Variants in CDON observed in about 807,000 individuals in gnomAD.
CDON encodes the protein cell adhesion molecule-related/down-regulated by oncogenes.
CDON carries 73 observed loss-of-function variants against 120.9 expected under a neutral mutation model. That is an observed-to-expected ratio of 0.60 (90% confidence interval 0.50 to 0.73). CDON has a LOEUF of 0.73. Ranked by LOEUF, CDON falls within the 30% of genes least tolerant of loss-of-function variation. The pLI, the probability that CDON is intolerant of heterozygous loss-of-function variation, is 0.00. For missense variants in CDON, 1,470 were observed against 1,587.3 expected (o/e 0.93, Z 1.26); for synonymous variants, 566 against 573.5 (o/e 0.99, Z 0.19).
intron 6 of CDON, 142 bp downstream of exon 6, chr11:126,016,946 T>C: frequency 1.4e-6 from 1 of 709,104 alleles, no homozygotes; most frequent in Non-Finnish European, 2.3e-6. Context: ...CAGTCCATTA[T>C]AAAAATGAAA....
intron 8 of CDON, among the ~76,000 whole-genome samples, chr11:126,009,815 C>T (rs1469927152): frequency 6.6e-6 from 1 of 152,000 alleles, no homozygotes; most frequent in Non-Finnish European, 1.5e-5. Flanking sequence ...ACCAGTACAT[C>T]AAAAATCATA....
At chr11:126,054,865 G>A (rs1239612031) in intron 1 of CDON, among the ~76,000 whole-genome samples, 1 of 152,146 alleles carries the variant, frequency 6.6e-6, no homozygotes, top group Non-Finnish European at 1.5e-5. Flanking sequence ...AGGGGAGACT[G>A]ACACGTATGC....
intron 15 of CDON, among the ~76,000 whole-genome samples, chr11:125,985,710 A>C (rs1347453459): frequency 6.6e-6 from 1 of 152,218 alleles, no homozygotes; most frequent in Admixed American, 6.5e-5. Flanking sequence ...CAGACACATG[A>C]AAAAATGCTC....
At chr11:126,006,092 A>G in intron 8 of CDON, 35 bp from the exon 9 acceptor site, 1 of 1,590,072 alleles carries the variant, frequency 6.3e-7, no homozygotes, top group Non-Finnish European at 8.6e-7. Context: ...GCTTGAAGAT[A>G]CTCCTCATTT....
upstream of CDON, among the ~76,000 whole-genome samples, chr11:126,063,073 G>T (rs897454373): frequency 6.6e-6 from 1 of 152,096 alleles, no homozygotes; most frequent in Admixed American, 6.5e-5. Flanking sequence ...TCAGCGGCGG[G>T]GGCACGGGCC....
At chr11:126,020,268 C>T (rs924841350) in intron 3 of CDON, among the ~76,000 whole-genome samples, 3 of 152,174 alleles carry the variant, frequency 2.0e-5, no homozygotes, top group African/African-American at 7.2e-5. Flanking sequence ...AACTCACTTT[C>T]CCTACGGATC....
chr11:126,015,022 G>GA, intron 7 of CDON: 1 of 569,194 alleles, frequency 1.8e-6, no homozygotes. Context: ...AGAATCTGTT[G>GA]AAAATTTTTT....
chr11:126,043,439 C>T (rs1948320185), intron 1 of CDON, among the ~76,000 whole-genome samples: 1 of 152,114 alleles, frequency 6.6e-6, no homozygotes, highest in Non-Finnish European at 1.5e-5. Flanking sequence ...TCTTTTGTTG[C>T]TTCATTCTTT....
intron 1 of CDON, among the ~76,000 whole-genome samples, chr11:126,061,906 A>G (rs1948806399): frequency 6.6e-6 from 1 of 152,168 alleles, no homozygotes; most frequent in Non-Finnish European, 1.5e-5. Flanking sequence ...GAGAACAATG[A>G]AGGGAAGGGC....
intron 8 of CDON, among the ~76,000 whole-genome samples, chr11:126,008,371 C>T (rs1591379848): frequency 1.3e-5 from 2 of 152,124 alleles, no homozygotes; most frequent in Admixed American, 6.6e-5. Flanking sequence ...TTAATAAACT[C>T]GGTTGGATCT....
At chr11:126,057,892 T>C (rs540730613) in intron 1 of CDON, among the ~76,000 whole-genome samples, 1 of 152,356 alleles carries the variant, frequency 6.6e-6, no homozygotes, top group South Asian at 2.1e-4. Context: ...GGTTTTACTA[T>C]ATGCCAAGTG....
intron 1 of CDON, 29 bp from the exon 2 acceptor site, chr11:126,023,566 A>G: frequency 1.0e-6 from 1 of 960,866 alleles, no homozygotes. Flanking sequence ...AGAAAATCTA[A>G]ACCATTGAAA....
At chr11:126,002,969 T>C (rs1003924660) in intron 10 of CDON, among the ~76,000 whole-genome samples, 3 of 152,078 alleles carry the variant, frequency 2.0e-5, no homozygotes, top group African/African-American at 7.2e-5. Flanking sequence ...GAATGTTCTT[T>C]CTCTAGGGAG....
rs369167707 is a variant in CDON, at chr11:125,979,570, T to G, written c.3277-1187A>C. On this transcript the variant is annotated intron_variant, in intron 17 of 19. Coordinates refer to ENST00000531738, the MANE Select transcript of CDON (RefSeq NM_001378964.1). ...CAGAAAAGTAAGAAAACGAATAATT[T>G]AGAATCACAGATAACTTCTGACATT... is the stretch of plus-strand genomic sequence containing the variant. Among the ~76,000 whole-genome samples the G allele has an allele frequency of 3.9e-4, 60 of 152,290 alleles. 3 individuals are homozygous for G. In the South Asian group the frequency reaches 0.012, roughly 31 times the overall value.
rs749914707 is a variant in CDON at position 126,010,409 on chromosome 11, G to A, written c.1484C>T (p.Ala495Val). The A allele has an allele frequency of 1.8e-5, 29 of 1,613,920 alleles. No individual in the cohort carries two copies. Among genetic ancestry groups the A allele is most frequent in the East Asian group, 1.1e-4 (5 of 44,874 alleles). Reference sequence around the variant, plus strand: ...TGCAGCTTCGCAGATGTATTTCCCCGCATGTTCCTGAGTCACAGCCTGAAT... The same window carrying A: ...TGCAGCTTCGCAGATGTATTTCCCCACATGTTCCTGAGTCACAGCCTGAAT... Reference protein sequence around the residue: ...LHIQAVTQEHAGKYICEAANE... With the variant: ...LHIQAVTQEHVGKYICEAANE... The change falls in exon 8 of 20, where the codon GCG (alanine) becomes GTG (valine). Residue 495 changes from alanine (A) to valine (V), a missense_variant. By Grantham distance (64) the Ala-to-Val change is moderately conservative. Transcript: ENST00000531738.
At chr11:126,020,564 G>A (rs1327560163) in intron 3 of CDON, among the ~76,000 whole-genome samples, 1 of 152,108 alleles carries the variant, frequency 6.6e-6, no homozygotes. Context: ...ACTCTTCTCA[G>A]TTATGACAAA....
Position 125,983,942 on chromosome 11 carries a change from G to A in CDON, c.2925C>T (p.Val975=). The change falls in exon 16 of 20, where the codon GTC becomes GTT. Residue 975 remains valine, a synonymous_variant. Coordinates refer to ENST00000531738, the MANE Select transcript of CDON (RefSeq NM_001378964.1). ...TGAAAACCATCAGAATGAGGACCAT[G>A]ACGCCCAGCACACAGCCAACGATCA... ...LYLIVGCVLG[V]MVLILMVFIA... is the part of the protein sequence containing the mutation. 1 of 1,614,132 alleles carries A rather than the reference G, an allele frequency of 6.2e-7. No homozygotes were observed.
Position 126,034,129 on chromosome 11 carries a change from TAAA to T in CDON, c.-61-10595_-61-10593del, listed in dbSNP as rs534374033. On this transcript the variant is annotated intron_variant, in intron 1 of 19. Transcript: ENST00000531738. This position sits in a 1 kb window ranked among gnomAD's most constrained non-coding sequence, Gnocchi z 4.5. ...GATCGTGCAATCATTCAGATCAACTTAAAAAAAAAAAAGTTCACACCTACAGAC... is the reference window on the plus strand; with the variant it reads ...GATCGTGCAATCATTCAGATCAACTTAAAAAAAAAGTTCACACCTACAGAC... Among the ~76,000 whole-genome samples the T allele has an allele frequency of 2.1e-5, 3 of 144,342 alleles. No homozygotes were observed. Among genetic ancestry groups the T allele is most frequent in the African/African-American group, 7.6e-5 (3 of 39,310 alleles). The allele number at this position is 144,342 out of a possible 152,430, so 94.7% of individuals were successfully genotyped here.
chr11:125,978,515 C>A, intron 17 of CDON, 132 bp from the exon 18 acceptor site: 1 of 699,374 alleles, frequency 1.4e-6, no homozygotes. Context: ...TATATTCTAA[C>A]CAACTCCCAG....
Sources: allele counts gnomAD v4.1 joint callset (sites outside exome capture counted in the v4.1 genomes callset), GRCh38; gene constraint gnomAD v4.1.1; non-coding constraint Gnocchi (gnomAD v3.1); transcripts MANE v1.5; gene names NCBI Gene and HGNC (gene_info 2026-07-23, HGNC 2026-07-21).